ABLIM3: variants seen among roughly 807,000 people sequenced by gnomAD.
ABLIM3 encodes actin binding LIM protein family member 3.
Under a neutral mutation model 109.5 loss-of-function variants are expected in ABLIM3, and 61 were observed. The ratio of observed to expected loss-of-function variants is 0.56; its 90% confidence interval spans 0.45 to 0.69. ABLIM3 has a LOEUF of 0.69. Among genes scored for constraint, ABLIM3 ranks in the 30% least tolerant of loss-of-function variants. The pLI is 0.00. For synonymous variants in ABLIM3, 300 were observed against 324.8 expected (o/e 0.92, Z 0.82); for missense variants, 796 against 889.5 (o/e 0.89, Z 1.34).
intron 3 of ABLIM3, among the ~76,000 whole-genome samples, chr5:149,185,924 A>G (rs1014867136): frequency 1.4e-4 from 21 of 152,300 alleles, no homozygotes; most frequent in African/African-American, 5.1e-4. Flanking sequence ...GGAGACCTTG[A>G]GCTTTTACTC....
chr5:149,204,226 G>T (rs1232131162), intron 5 of ABLIM3, among the ~76,000 whole-genome samples: 2 of 152,214 alleles, frequency 1.3e-5, no homozygotes, highest in South Asian at 4.2e-4. Flanking sequence ...GGGACAGGTG[G>T]TAGCATCATA....
intron 9 of ABLIM3, among the ~76,000 whole-genome samples, chr5:149,231,459 G>A (rs1761852558): frequency 6.6e-6 from 1 of 152,126 alleles, no homozygotes; most frequent in Admixed American, 6.5e-5. Context: ...CTGGCCCCCG[G>A]ATATCAAGTT....
At chr5:149,182,117 A>G (rs1415061733) in intron 2 of ABLIM3, among the ~76,000 whole-genome samples, 1 of 152,244 alleles carries the variant, frequency 6.6e-6, no homozygotes, top group African/African-American at 2.4e-5. Context: ...GTGAACAGAC[A>G]TAACTACCAC....
At chr5:149,222,251 C>T (rs1221694322) in intron 8 of ABLIM3, among the ~76,000 whole-genome samples, 1 of 152,048 alleles carries the variant, frequency 6.6e-6, no homozygotes, top group Non-Finnish European at 1.5e-5. Context: ...ATTTTATCCT[C>T]ACGACAACCC....
At chr5:149,156,836 T>C (rs1222991579) in intron 2 of ABLIM3, among the ~76,000 whole-genome samples, 1 of 152,144 alleles carries the variant, frequency 6.6e-6, no homozygotes, top group Non-Finnish European at 1.5e-5. Flanking sequence ...TGTAAAGAAA[T>C]GGGTAGAGCT....
intron 8 of ABLIM3, among the ~76,000 whole-genome samples, chr5:149,221,127 G>T (rs891989101): frequency 6.6e-6 from 1 of 152,188 alleles, no homozygotes; most frequent in Non-Finnish European, 1.5e-5. Flanking sequence ...ATGAGTAGGA[G>T]GTGGGAGGCT....
chr5:149,205,670 G>A (rs894428038), intron 5 of ABLIM3, among the ~76,000 whole-genome samples: 1 of 152,178 alleles, frequency 6.6e-6, no homozygotes, highest in Non-Finnish European at 1.5e-5. Context: ...TAGAAAGGAA[G>A]AGAGATAAAT....
In ABLIM3 at chr5:149,237,483, C is replaced by T. The variant is rs978312832; in HGVS notation, c.924C>T (p.Asp308=). ...KVDNEILNYK[D]LAALPKVKSI... ...ATAATGAGATCCTTAATTACAAAGA[C>T]CTGGCGGCTCTCCCCAAGGTTAAGT... The change falls in exon 11 of 24, where the codon GAC becomes GAT. Residue 308 remains aspartate, a synonymous_variant. Coordinates refer to ENST00000309868, the MANE Select transcript of ABLIM3 (RefSeq NM_014945.5). 3.1e-6 allele frequency: 5 copies of T among 1,614,070 alleles called. No individual in the cohort carries two copies. The African/African-American group carries it at 6.7e-5, about 22-fold the overall frequency.
chr5:149,185,363 G>A (rs764303188), intron 3 of ABLIM3, among the ~76,000 whole-genome samples: 67 of 152,194 alleles, frequency 4.4e-4, no homozygotes, highest in Non-Finnish European at 7.2e-4. Context: ...TGGTGGTCTC[G>A]GAGCTCCAAG....
intron 2 of ABLIM3, among the ~76,000 whole-genome samples, chr5:149,162,581 G>A (rs563805925): frequency 7.2e-5 from 11 of 152,268 alleles, no homozygotes; most frequent in African/African-American, 2.2e-4. Flanking sequence ...CATCATGCCC[G>A]TCAGAGCAGG....
intron 2 of ABLIM3, among the ~76,000 whole-genome samples, chr5:149,158,231 A>C (rs1225064564): frequency 6.6e-6 from 1 of 152,208 alleles, no homozygotes; most frequent in Admixed American, 6.5e-5. Flanking sequence ...ATGGGGTATA[A>C]TGTATTTGTT....
At chr5:149,195,758 C>T (rs1200870804) in intron 3 of ABLIM3, among the ~76,000 whole-genome samples, 3 of 152,212 alleles carry the variant, frequency 2.0e-5, no homozygotes, top group African/African-American at 7.2e-5. Context: ...TTTGCCTGCT[C>T]GTGAGACCAG....
chr5:149,175,189 G>A (rs890467117), intron 2 of ABLIM3, among the ~76,000 whole-genome samples: 4 of 152,072 alleles, frequency 2.6e-5, no homozygotes, highest in Non-Finnish European at 5.9e-5. Context: ...TTATACCACC[G>A]TGCATTAAAA....
chr5:149,254,953 C>G (rs975848429), intron 23 of ABLIM3, among the ~76,000 whole-genome samples: 13 of 152,212 alleles, frequency 8.5e-5, no homozygotes, highest in Admixed American at 3.9e-4. Context: ...GGCCCATGGG[C>G]TAAAGACACT....
intron 3 of ABLIM3, among the ~76,000 whole-genome samples, chr5:149,185,302 G>A (rs979983310): frequency 6.6e-6 from 1 of 152,146 alleles, no homozygotes; most frequent in Non-Finnish European, 1.5e-5. Context: ...TAACCCCAGT[G>A]TCTCCACATA....
intron 2 of ABLIM3, among the ~76,000 whole-genome samples, chr5:149,183,059 C>T (rs895009383): frequency 1.3e-5 from 2 of 152,218 alleles, no homozygotes; most frequent in African/African-American, 2.4e-5. Context: ...TTTGAAACTT[C>T]TGAGTCAATT....
chr5:149,208,865 C>A (rs1759274572), intron 6 of ABLIM3, among the ~76,000 whole-genome samples: 1 of 152,246 alleles, frequency 6.6e-6, no homozygotes, highest in South Asian at 2.1e-4. Context: ...TGACTGCTAA[C>A]TAGCATGAAG....
At chr5:149,222,961 G>T (rs887774087) in intron 8 of ABLIM3, among the ~76,000 whole-genome samples, 6 of 152,050 alleles carry the variant, frequency 3.9e-5, no homozygotes, top group Non-Finnish European at 8.8e-5. Context: ...TAGGAGTTAT[G>T]CTTAAAAACT....
At chr5:149,236,557 C>G (rs1752214218) in intron 10 of ABLIM3, among the ~76,000 whole-genome samples, 1 of 152,076 alleles carries the variant, frequency 6.6e-6, no homozygotes, top group Non-Finnish European at 1.5e-5. Flanking sequence ...GAGATGCGGG[C>G]TGTCACATGC....
Sources: allele counts gnomAD v4.1 joint callset (sites outside exome capture counted in the v4.1 genomes callset), GRCh38; gene constraint gnomAD v4.1.1; transcripts MANE v1.5; gene names NCBI Gene and HGNC (gene_info 2026-07-23, HGNC 2026-07-21).